The following EGFL7 variants were observed in gnomAD, a reference collection of about 807,000 sequenced individuals.
EGFL7 encodes EGF like domain multiple 7.
Under a neutral mutation model 37.1 loss-of-function variants are expected in EGFL7, and 48 were observed. The ratio of observed to expected loss-of-function variants is 1.29; its 90% confidence interval spans 1.03 to 1.65. The LOEUF is 1.65. EGFL7 is among the 40% of genes most tolerant of loss of function. The pLI is 0.00. For missense variants in EGFL7, 384 were observed against 378.9 expected (o/e 1.01, Z -0.11); for synonymous variants, 180 against 156.8 (o/e 1.15, Z -1.10).
At chr9:136,671,728 C>T (rs373638644) in intron 9 of EGFL7, among the ~76,000 whole-genome samples, 198 bp from the exon 10 acceptor site, 1 of 152,172 alleles carries the variant, frequency 6.6e-6, no homozygotes, top group Non-Finnish European at 1.5e-5. Flanking sequence ...GGGACCACCC[C>T]GCCAGCCTGA....
chr9:136,661,541 G>A (rs896527859), upstream of EGFL7, among the ~76,000 whole-genome samples: 5 of 152,150 alleles, frequency 3.3e-5, no homozygotes, highest in East Asian at 1.9e-4. Context: ...TGCCAGGAGC[G>A]CCCCCTTAAA....
chr9:136,661,924 G>A (rs1021327966), upstream of EGFL7, among the ~76,000 whole-genome samples: 11 of 152,218 alleles, frequency 7.2e-5, no homozygotes, highest in East Asian at 1.9e-4. Flanking sequence ...CACGGACAGC[G>A]GGGTTGGGAG....
chr9:136,669,962 GC>G lies in EGFL7; in HGVS notation c.364del (p.Arg122AlafsTer75), dbSNP rs760637377. 5.6e-6 allele frequency: 9 copies of G among 1,604,390 alleles called. No individual in the cohort carries two copies. In the South Asian group the frequency reaches 8.9e-5, roughly 16 times the overall value. On this transcript the variant is annotated frameshift_variant, in exon 7 of 11. Coordinates refer to ENST00000308874, the MANE Select transcript of EGFL7 (RefSeq NM_016215.5). LOFTEE classifies it high-confidence loss of function. ...CRNGGSCVQP[G>X]RCRCPAGWRG... The stretch of plus-strand genomic sequence containing the variant: ...AACGGAGGGAGCTGTGTCCAGCCTG[GC>G]CGCTGCCGCTGCCCTGCAGGATGGC...
intron 3 of EGFL7, among the ~76,000 whole-genome samples, chr9:136,667,795 G>C (rs1470877909): frequency 6.6e-6 from 1 of 152,174 alleles, no homozygotes; most frequent in African/African-American, 2.4e-5. Context: ...GAGGCCGGCA[G>C]GTCCCTGGTG....
intron 5 of EGFL7, among the ~76,000 whole-genome samples, chr9:136,669,275 C>T (rs543698414): frequency 6.4e-4 from 97 of 152,362 alleles, no homozygotes; most frequent in Non-Finnish European, 1.3e-3. Context: ...TGCCGTGACT[C>T]GCCGTAGGCC....
intron 9 of EGFL7, among the ~76,000 whole-genome samples, chr9:136,671,410 C>A (rs995120050): frequency 6.6e-6 from 1 of 152,014 alleles, no homozygotes; most frequent in South Asian, 2.1e-4. Flanking sequence ...TGGTCCCGAC[C>A]CACGGATGGC....
At chr9:136,671,231 G>A (rs11998823) in intron 9 of EGFL7, among the ~76,000 whole-genome samples, 9,011 of 67,366 alleles carry the variant, frequency 0.13, 1,136 homozygotes, top group Non-Finnish European at 0.15. Context: ...GTGAGGCGTC[G>A]GGGGGGCAGG....
In EGFL7 at chr9:136,672,501, A is replaced by G; in HGVS notation, c.*215A>G. ...CTTCTCTGTGAATCCACCCCTGGCT[A>G]CCCCCACCCTGGCTACCCCAACGGC... On this transcript the variant is annotated 3_prime_UTR_variant, in exon 11 of 11. Coordinates refer to ENST00000308874, the MANE Select transcript of EGFL7 (RefSeq NM_016215.5). 1 of 625,618 alleles carries G rather than the reference A, an allele frequency of 1.6e-6. No individual in the cohort carries two copies. Among genetic ancestry groups the G allele is most frequent in the Non-Finnish European group, 2.8e-6 (1 of 360,982 alleles). The allele number at this position is 625,618 out of a possible 1,614,324, so 38.8% of individuals were successfully genotyped here.
At chr9:136,664,225 C>A (rs1211034146) in intron 2 of EGFL7, among the ~76,000 whole-genome samples, 1 of 152,216 alleles carries the variant, frequency 6.6e-6, no homozygotes, top group African/African-American at 2.4e-5. Flanking sequence ...GCTTCCAGGG[C>A]CCCTGGTCCA....
upstream of EGFL7, chr9:136,660,212 G>A (rs1165126629): frequency 2.0e-5 from 3 of 152,344 alleles, no homozygotes; most frequent in Non-Finnish European, 2.9e-5. Context: ...TGGACCCCCA[G>A]TACCCTCTGG....
chr9:136,672,449 A>G lies in EGFL7; in HGVS notation c.*163A>G. The G allele has an allele frequency of 2.5e-6, 2 of 814,828 alleles. No homozygotes were observed. Among genetic ancestry groups the G allele is most frequent in the African/African-American group, 3.4e-5 (2 of 58,198 alleles). 50.5% of individuals were successfully genotyped at this position (814,828 alleles called of 1,614,324 possible). On this transcript the variant is annotated 3_prime_UTR_variant, in exon 11 of 11. Coordinates refer to ENST00000308874, the MANE Select transcript of EGFL7 (RefSeq NM_016215.5). Reference sequence around the variant, plus strand: ...CCTCCCCTTCCTCGGGAGGCTCCCCAGACCCTGGCATGGGATGGGCTGGGA... The same window carrying G: ...CCTCCCCTTCCTCGGGAGGCTCCCCGGACCCTGGCATGGGATGGGCTGGGA...
chr9:136,672,205 G>C (rs1845962294), intron 10 of EGFL7, 59 bp from the exon 11 acceptor site: 3 of 1,612,400 alleles, frequency 1.9e-6, no homozygotes, highest in African/African-American at 1.3e-5. Context: ...GTCAGATCTA[G>C]CTGGGCGGGG....
At chr9:136,667,108 C>T (rs1216610561) in intron 3 of EGFL7, among the ~76,000 whole-genome samples, 2 of 152,228 alleles carry the variant, frequency 1.3e-5, no homozygotes, top group South Asian at 4.1e-4. Flanking sequence ...GGATCGTGCT[C>T]CACACCCAGT....
rs1845980110 is a variant in EGFL7, at chr9:136,672,402, G to C, written c.*116G>C. 1.5e-6 allele frequency: 2 copies of C among 1,320,032 alleles called. No homozygotes were observed. Among genetic ancestry groups the C allele is most frequent in the South Asian group, 2.4e-5 (2 of 83,214 alleles). 81.8% of individuals were successfully genotyped at this position (1,320,032 alleles called of 1,614,324 possible). A position where few individuals can be genotyped will look rare whatever the true frequency, so the allele number is the denominator to read the frequency against. On this transcript the variant is annotated 3_prime_UTR_variant, in exon 11 of 11. Coordinates refer to ENST00000308874, the MANE Select transcript of EGFL7 (RefSeq NM_016215.5). ...TCGGGGTGACTGAGCGGAAGGCCAG[G>C]CAGGGCCTTCCTCCTCTTCCTCCTC...
At chr9:136,665,938 G>A (rs900072945) in intron 3 of EGFL7, 10 of 146,126 alleles carry the variant, frequency 6.8e-5, no homozygotes, top group Admixed American at 3.4e-4. Context: ...GGAGCTGGGG[G>A]CGGCTCCGGG....
In EGFL7 at chr9:136,666,664, G is replaced by A. The variant is rs1845498872; in HGVS notation, c.-42-1577G>A. ...GCCAATATGTGTGGGGGGCAATGAG[G>A]TCTGGGAGATTCGCCTACCCCCAGG... is the stretch of plus-strand genomic sequence containing the variant. On this transcript the variant is annotated intron_variant, in intron 3 of 10. Transcript: ENST00000308874. This position sits in a 1 kb window ranked among gnomAD's most constrained non-coding sequence, Gnocchi z 6.8. Among the ~76,000 whole-genome samples the A allele has an allele frequency of 6.6e-6, 1 of 152,170 alleles. No homozygotes were observed. Among genetic ancestry groups the A allele is most frequent in the African/African-American group, 2.4e-5 (1 of 41,538 alleles).
chr9:136,670,339 C>T lies in EGFL7; in HGVS notation c.571+9C>T. ...GGCCCCCAACCCGACAGGTAAACAG[C>T]CCTGGCTGTGCCTGGCCTGGGGAGG... is the stretch of plus-strand genomic sequence containing the variant. On this transcript the variant is annotated intron_variant, in intron 8 of 10. Transcript: ENST00000308874. 1.3e-6 allele frequency: 2 copies of T among 1,550,446 alleles called. No individual in the cohort carries two copies. The highest frequency in any genetic ancestry group is 1.7e-6 in the Non-Finnish European group (2 of 1,144,868).
At chr9:136,670,731 GC>G (rs1409212445) in intron 8 of EGFL7, 2 of 751,518 alleles carry the variant, frequency 2.7e-6, no homozygotes, top group East Asian at 5.0e-5. Context: ...ACCTCCCTCA[GC>G]GTGGCCGGGA....
At chr9:136,669,562 G>T in intron 5 of EGFL7, 44 bp from the exon 6 acceptor site, 1 of 1,452,902 alleles carries the variant, frequency 6.9e-7, no homozygotes, top group South Asian at 1.2e-5. Context: ...AGGTGACTAA[G>T]GGGGAGTAGG....
Sources: allele counts gnomAD v4.1 joint callset (sites outside exome capture counted in the v4.1 genomes callset), GRCh38; gene constraint gnomAD v4.1.1; non-coding constraint Gnocchi (gnomAD v3.1); transcripts MANE v1.5; gene names NCBI Gene and HGNC (gene_info 2026-07-23, HGNC 2026-07-21).